The following RDX variants were observed in gnomAD, a reference collection of about 807,000 sequenced individuals.
RDX encodes deafness, autosomal recessive 24.
In RDX, 32 loss-of-function variants were observed where a neutral mutation model predicts 83.7. That is an observed-to-expected ratio of 0.38 (90% confidence interval 0.29 to 0.51). The LOEUF is 0.51. RDX is among the 20% of genes least tolerant of loss of function. The pLI is 0.87. For synonymous variants in RDX, 229 were observed against 222.7 expected (o/e 1.03, Z -0.25); for missense variants, 600 against 689.9 (o/e 0.87, Z 1.46).
At chr11:110,272,276 C>A (rs1860338024) in intron 3 of RDX, among the ~76,000 whole-genome samples, 1 of 152,160 alleles carries the variant, frequency 6.6e-6, no homozygotes, top group South Asian at 2.1e-4. Context: ...TTTTAGTCAC[C>A]ATTACAATGA....
chr11:110,191,961 C>T (rs948838739), intron 15 of RDX, among the ~76,000 whole-genome samples: 2 of 152,102 alleles, frequency 1.3e-5, no homozygotes, highest in Admixed American at 6.5e-5. Context: ...GCCATACTGC[C>T]CAAAGCCATT....
intron 9 of RDX, 44 bp from the exon 10 acceptor site, chr11:110,247,877 ATAT>A: frequency 6.5e-7 from 1 of 1,530,926 alleles, no homozygotes; most frequent in Non-Finnish European, 8.8e-7. Flanking sequence ...ATACACAAAA[ATAT>A]TATTCATGTG....
intron 1 of RDX, among the ~76,000 whole-genome samples, chr11:110,294,653 A>G (rs958833909): frequency 6.6e-6 from 1 of 152,202 alleles, no homozygotes; most frequent in Non-Finnish European, 1.5e-5. Context: ...ACAACAGCAA[A>G]GTCTGTCATT....
intron 14 of RDX, among the ~76,000 whole-genome samples, chr11:110,215,658 A>G (rs906484216): frequency 2.1e-4 from 32 of 152,324 alleles, no homozygotes; most frequent in African/African-American, 5.5e-4. Context: ...AAGTCAATCA[A>G]TACATTCACT....
chr11:110,237,754 T>A, intron 10 of RDX, 102 bp from the exon 11 acceptor site: 1 of 1,309,498 alleles, frequency 7.6e-7, no homozygotes, highest in Non-Finnish European at 1.1e-6. Context: ...GTTCAATTTC[T>A]AAAAGTTAGC....
At chr11:110,284,528 T>A (rs1447186847) in intron 1 of RDX, among the ~76,000 whole-genome samples, 1 of 9,872 alleles carries the variant, frequency 1.0e-4, no homozygotes, top group East Asian at 6.1e-3. Context: ...TTATTATTAT[T>A]TTTTTTTTTT....
chr11:110,236,088 T>C lies in RDX; in HGVS notation c.1344+11A>G. On this transcript the variant is annotated intron_variant, in intron 12 of 13. Coordinates refer to ENST00000645495, the MANE Select transcript of RDX (RefSeq NM_002906.4). ...TATTCAATAAAAGCTAGTAAATGAATAAATGATTACTTTGTGTTGCCACTC... is the reference window on the plus strand; with the variant it reads ...TATTCAATAAAAGCTAGTAAATGAACAAATGATTACTTTGTGTTGCCACTC... 3 of 1,586,010 alleles carry C rather than the reference T, an allele frequency of 1.9e-6. No homozygotes were observed. Among genetic ancestry groups the C allele is most frequent in the Non-Finnish European group, 1.7e-6 (2 of 1,156,220 alleles).
rs575375859 is a variant in RDX, at chr11:110,281,912, G to C, written c.-64-2156C>G. The stretch of plus-strand genomic sequence containing the variant: ...GCCCAGGAGTTTGAGACCAGCCTAG[G>C]CAACATGGCAAAACCCCATCTCTAT... On this transcript the variant is annotated intron_variant, in intron 1 of 13. Transcript: ENST00000645495. Among the ~76,000 whole-genome samples the C allele has an allele frequency of 6.0e-5, 8 of 134,244 alleles. 1 individual carries two copies. The South Asian group carries it at 1.9e-3, about 32-fold the overall frequency. 88.1% of individuals were successfully genotyped at this position (134,244 alleles called of 152,430 possible).
At position 110,237,518 on chromosome 11, in the gene RDX, C is replaced by T. The variant is rs769714594; in HGVS notation, c.1225G>A (p.Asp409Asn). The change falls in exon 11 of 14, where the codon GAC becomes AAC. Residue 409 changes from aspartate (D) to asparagine (N), a missense_variant. By Grantham distance (23) the Asp-to-Asn change is conservative (BLOSUM62 1). Coordinates refer to ENST00000645495, the MANE Select transcript of RDX (RefSeq NM_002906.4). Reference protein sequence around the residue: ...AKSAIAKQAADQMKNQEQLAA... With the variant: ...AKSAIAKQAANQMKNQEQLAA... Reference sequence around the variant, plus strand: ...AGCTGCTCCTGATTCTTCATCTGGTCGGCAGCTTGTTTTGCTATGGCAGAC... The same window carrying T: ...AGCTGCTCCTGATTCTTCATCTGGTTGGCAGCTTGTTTTGCTATGGCAGAC... 1.5e-5 allele frequency: 24 copies of T among 1,612,764 alleles called. No homozygotes were observed. Among genetic ancestry groups the T allele is most frequent in the South Asian group, 1.4e-4 (13 of 91,028 alleles).
At chr11:110,270,438 A>G (rs1255849114) in intron 3 of RDX, among the ~76,000 whole-genome samples, 3 of 152,210 alleles carry the variant, frequency 2.0e-5, no homozygotes, top group Non-Finnish European at 4.4e-5. Flanking sequence ...CTGTTGCATA[A>G]GTGGCCCGTC....
At chr11:110,219,850 T>C (rs1349611129) in intron 14 of RDX, among the ~76,000 whole-genome samples, 1 of 152,086 alleles carries the variant, frequency 6.6e-6, no homozygotes, top group African/African-American at 2.4e-5. Context: ...CAGGGGAGAA[T>C]TTGGTTAGAG....
intron 1 of RDX, among the ~76,000 whole-genome samples, chr11:110,296,215 C>T (rs1861451611): frequency 6.6e-6 from 1 of 152,056 alleles, no homozygotes; most frequent in South Asian, 2.1e-4. Context: ...CCCGGCCAGG[C>T]ACGTTCGGGC....
At chr11:110,224,758 T>C (rs1470139548), downstream of RDX, among the ~76,000 whole-genome samples, 1 of 152,116 alleles carries the variant, frequency 6.6e-6, no homozygotes, top group African/African-American at 2.4e-5. Flanking sequence ...TGAGAGCAAA[T>C]TACACTTAGA....
chr11:110,188,060 G>C (rs538019653), intron 15 of RDX, among the ~76,000 whole-genome samples: 1 of 152,166 alleles, frequency 6.6e-6, no homozygotes, highest in Non-Finnish European at 1.5e-5. Context: ...TTGGGAGGCC[G>C]AGGCAGACAC....
Position 110,177,824 on chromosome 11 carries a change from C to A in RDX, c.*32-2590G>T, listed in dbSNP as rs537468935. ...CAGCAAACACTTCCCTATCCAGTCTCCCTACTGCTCCACCCTGCCTCAAAT... is the reference window on the plus strand; with the variant it reads ...CAGCAAACACTTCCCTATCCAGTCTACCTACTGCTCCACCCTGCCTCAAAT... On this transcript the variant is annotated intron_variant, in intron 15 of 15. Transcript: ENST00000528498. Among the ~76,000 whole-genome samples, 3 of 152,280 alleles carry A rather than the reference C, an allele frequency of 2.0e-5. No homozygotes were observed. In the South Asian group the frequency reaches 6.2e-4, roughly 32 times the overall value.
intron 15 of RDX, chr11:110,181,781 A>C (rs901412530): frequency 6.6e-6 from 1 of 152,570 alleles, no homozygotes; most frequent in Admixed American, 6.5e-5. Context: ...CACATACACC[A>C]GGTGGCTTAC....
downstream of RDX, among the ~76,000 whole-genome samples, chr11:110,225,725 T>C (rs1864410021): frequency 6.6e-6 from 1 of 152,048 alleles, no homozygotes; most frequent in African/African-American, 2.4e-5. Flanking sequence ...GCTGCTGCTG[T>C]GGAAAATATT....
At chr11:110,248,097 G>A (rs900877535) in intron 9 of RDX, among the ~76,000 whole-genome samples, 1 of 152,114 alleles carries the variant, frequency 6.6e-6, no homozygotes, top group Admixed American at 6.5e-5. Flanking sequence ...GGTTGGGAAT[G>A]GGGTGAGGGA....
intron 11 of RDX, 48 bp from the exon 12 acceptor site, chr11:110,236,239 A>C: frequency 2.1e-6 from 3 of 1,425,326 alleles, no homozygotes; most frequent in Non-Finnish European, 2.9e-6. Flanking sequence ...TATTTTGAAT[A>C]ATCTTATAAG....
Sources: allele counts gnomAD v4.1 joint callset (sites outside exome capture counted in the v4.1 genomes callset), GRCh38; gene constraint gnomAD v4.1.1; transcripts MANE v1.5; gene names NCBI Gene and HGNC (gene_info 2026-07-23, HGNC 2026-07-21).